Variants in NRXN1 observed in about 807,000 individuals in gnomAD.
The protein encoded by NRXN1 is neurexin 1.
In NRXN1, 39 loss-of-function variants were observed where a neutral mutation model predicts 150.9. The observed-to-expected ratio is 0.26, with a 90% CI of 0.20 to 0.34. The LOEUF is 0.34. Among genes scored for constraint, NRXN1 ranks in the 10% least tolerant of loss-of-function variants. NRXN1 has a pLI of 1.00. For missense variants in NRXN1, 1,815 were observed against 1,949.9 expected (o/e 0.93, Z 1.30); for synonymous variants, 924 against 757.0 (o/e 1.22, Z -3.62).
intron 18 of NRXN1, among the ~76,000 whole-genome samples, chr2:50,189,346 T>C (rs1030180997): frequency 6.6e-6 from 1 of 151,072 alleles, no homozygotes; most frequent in Admixed American, 6.6e-5. Context: ...GAGGGGAATA[T>C]CACACACCTG....
chr2:50,366,310 T>C (rs1194759980), intron 17 of NRXN1, among the ~76,000 whole-genome samples: 3 of 151,974 alleles, frequency 2.0e-5, no homozygotes, highest in African/African-American at 4.8e-5. Flanking sequence ...TCCTATGAAT[T>C]ACTAGGTAGT....
At chr2:50,584,096 C>G (rs1324221555) in intron 8 of NRXN1, among the ~76,000 whole-genome samples, 1 of 152,128 alleles carries the variant, frequency 6.6e-6, no homozygotes, top group African/African-American at 2.4e-5. Flanking sequence ...TTGAAAAATT[C>G]TGATTTCTAG....
At chr2:50,742,523 G>A (rs1003790113) in intron 5 of NRXN1, among the ~76,000 whole-genome samples, 48 of 149,790 alleles carry the variant, frequency 3.2e-4, no homozygotes, top group Admixed American at 1.3e-4. Context: ...CAGGAGAATC[G>A]TTTGAGCCCG....
chr2:50,844,001 A>G (rs1265675222), intron 5 of NRXN1, among the ~76,000 whole-genome samples: 1 of 151,704 alleles, frequency 6.6e-6, no homozygotes, highest in African/African-American at 2.4e-5. Flanking sequence ...AGACCTTGCC[A>G]CAGCCTGGTC....
chr2:49,932,012 A>C (rs1182580874), intron 22 of NRXN1, among the ~76,000 whole-genome samples: 10 of 152,220 alleles, frequency 6.6e-5, no homozygotes, highest in Non-Finnish European at 1.5e-4. Flanking sequence ...GGTTTATAGT[A>C]AGACAAAAAT....
intron 18 of NRXN1, among the ~76,000 whole-genome samples, chr2:50,228,146 A>G (rs1260387825): frequency 6.6e-6 from 1 of 152,104 alleles, no homozygotes. Context: ...AAAGCTTATT[A>G]TGAAAAGATA....
rs367890640 is a variant in NRXN1 at position 50,218,012 on chromosome 2, G to A, written c.3546+18777C>T. 5.3e-5 allele frequency among the ~76,000 whole-genome samples: 8 copies of A among 151,908 alleles called. No individual in the cohort carries two copies. In the East Asian group the frequency reaches 7.8e-4, roughly 15 times the overall value. ...GGCCTCCTTTGTTTTCTTCTGTTTG[G>A]CACACTCCTCTCCCATACATACCTG... is the stretch of plus-strand genomic sequence containing the variant. On this transcript the variant is annotated intron_variant, in intron 18 of 22. Coordinates refer to ENST00000401669, the MANE Select transcript of NRXN1 (RefSeq NM_001330078.2).
At chr2:50,381,746 A>C (rs1188761446) in intron 17 of NRXN1, among the ~76,000 whole-genome samples, 1 of 152,162 alleles carries the variant, frequency 6.6e-6, no homozygotes, top group Non-Finnish European at 1.5e-5. Flanking sequence ...CCATCCTAAT[A>C]GTTTTAAATG....
At chr2:50,771,732 G>A (rs2105452839) in intron 5 of NRXN1, among the ~76,000 whole-genome samples, 1 of 152,224 alleles carries the variant, frequency 6.6e-6, no homozygotes, top group South Asian at 2.1e-4. Context: ...GAGTTTCCAG[G>A]AATATTCATG....
intron 2 of NRXN1, among the ~76,000 whole-genome samples, chr2:50,969,944 A>G (rs973865104): frequency 6.6e-6 from 1 of 152,132 alleles, no homozygotes; most frequent in Admixed American, 6.6e-5. Context: ...AGCAGTGCAG[A>G]AAAAAGGGTA....
At chr2:50,445,965 T>C (rs2104486176) in intron 17 of NRXN1, among the ~76,000 whole-genome samples, 1 of 152,278 alleles carries the variant, frequency 6.6e-6, no homozygotes, top group South Asian at 2.1e-4. Context: ...TCTTTTTAAA[T>C]AGACATTAAA....
intron 18 of NRXN1, among the ~76,000 whole-genome samples, chr2:50,111,002 T>C (rs952680441): frequency 6.6e-6 from 1 of 152,190 alleles, no homozygotes; most frequent in Non-Finnish European, 1.5e-5. Context: ...TTTTCATCTT[T>C]TTTATTTGAT....
At chr2:50,838,501 C>G (rs759395006) in intron 5 of NRXN1, among the ~76,000 whole-genome samples, 1 of 152,024 alleles carries the variant, frequency 6.6e-6, no homozygotes, top group Non-Finnish European at 1.5e-5. Context: ...GCCTAACCCT[C>G]AGAACTTCAG....
At chr2:50,887,554 T>C (rs1680438687) in intron 5 of NRXN1, among the ~76,000 whole-genome samples, 1 of 151,446 alleles carries the variant, frequency 6.6e-6, no homozygotes, top group Admixed American at 6.6e-5. Flanking sequence ...CACTAAAGTC[T>C]TTAGTGTTTA....
At chr2:50,977,336 T>A (rs1185634689) in intron 2 of NRXN1, among the ~76,000 whole-genome samples, 2 of 151,940 alleles carry the variant, frequency 1.3e-5, no homozygotes, top group Admixed American at 6.6e-5. Flanking sequence ...TAGTCACATT[T>A]TAATATGAGC....
At position 50,113,313 on chromosome 2, in the gene NRXN1, A is replaced by T. The variant is rs191872742; in HGVS notation, c.3547-21819T>A. On this transcript the variant is annotated intron_variant, in intron 18 of 22. Coordinates refer to ENST00000401669, the MANE Select transcript of NRXN1 (RefSeq NM_001330078.2). Reference sequence around the variant, plus strand: ...TACCATGCATCATAATTATTTGTGCATGTGTCTCTTCTGCCTTGCAGGACT... The same window carrying T: ...TACCATGCATCATAATTATTTGTGCTTGTGTCTCTTCTGCCTTGCAGGACT... Among the ~76,000 whole-genome samples the T allele has an allele frequency of 7.2e-4, 110 of 152,314 alleles. 1 individual carries two copies. Among genetic ancestry groups the T allele is most frequent in the African/African-American group, 2.4e-3 (100 of 41,578 alleles).
intron 5 of NRXN1, among the ~76,000 whole-genome samples, chr2:50,849,122 A>G (rs1674129182): frequency 6.6e-6 from 1 of 152,188 alleles, no homozygotes; most frequent in Admixed American, 6.5e-5. Flanking sequence ...AATTGCCAGC[A>G]TCTCCAGAAT....
At chr2:50,890,403 A>G (rs1680873466) in intron 5 of NRXN1, among the ~76,000 whole-genome samples, 1 of 151,884 alleles carries the variant, frequency 6.6e-6, no homozygotes, top group East Asian at 1.9e-4. Context: ...ATAATGAAAG[A>G]GTAAAACATA....
chr2:50,636,279 C>T (rs956908354), intron 5 of NRXN1, among the ~76,000 whole-genome samples: 1 of 152,000 alleles, frequency 6.6e-6, no homozygotes, highest in African/African-American at 2.4e-5. Flanking sequence ...CTCAGGGAAA[C>T]GCATCAGGCT....
Sources: allele counts gnomAD v4.1 joint callset (sites outside exome capture counted in the v4.1 genomes callset), GRCh38; gene constraint gnomAD v4.1.1; transcripts MANE v1.5; gene names NCBI Gene and HGNC (gene_info 2026-07-23, HGNC 2026-07-21).